Variants in SIMC1 observed in about 807,000 individuals in gnomAD.
The protein encoded by SIMC1 is SUMO-interacting motif-containing protein 1.
Under a neutral mutation model 82.3 loss-of-function variants are expected in SIMC1, and 55 were observed. The observed-to-expected ratio is 0.67, with a 90% CI of 0.54 to 0.84. The LOEUF (loss-of-function observed/expected upper bound fraction) is 0.84, where lower values mean the gene tolerates loss of function less well. Among genes scored for constraint, SIMC1 ranks in the 40% least tolerant of loss-of-function variants. SIMC1 has a pLI of 0.00. For synonymous variants in SIMC1, 353 were observed against 426.3 expected (o/e 0.83, Z 2.12); for missense variants, 915 against 1,107.2 (o/e 0.83, Z 2.46).
chr5:176,258,529 C>T (rs1359576142), intron 1 of SIMC1, among the ~76,000 whole-genome samples: 3 of 149,678 alleles, frequency 2.0e-5, no homozygotes, highest in African/African-American at 7.4e-5. Context: ...ATTTTTTAAA[C>T]GGATGGTTTT....
At chr5:176,319,339 A>T (rs542285312) in intron 5 of SIMC1, among the ~76,000 whole-genome samples, 1 of 152,250 alleles carries the variant, frequency 6.6e-6, no homozygotes, top group East Asian at 1.9e-4. Flanking sequence ...AATTTCCAAG[A>T]GCCCTTTTAT....
At chr5:176,344,183 C>T (rs529579552) in intron 9 of SIMC1, among the ~76,000 whole-genome samples, 17 of 152,280 alleles carry the variant, frequency 1.1e-4, no homozygotes, top group African/African-American at 3.6e-4. Flanking sequence ...AGCCAGGATA[C>T]GGTCAAATAT....
At chr5:176,336,593 G>A (rs67874748) in intron 7 of SIMC1, 127 bp from the exon 8 acceptor site, 247,502 of 1,285,278 alleles carry the variant, frequency 0.19, 24,606 homozygotes, top group Middle Eastern at 0.28. Flanking sequence ...GATTCTGTGG[G>A]CTTCCATGGT....
intron 1 of SIMC1, among the ~76,000 whole-genome samples, chr5:176,253,994 G>A (rs1034347823): frequency 9.2e-5 from 14 of 151,848 alleles, no homozygotes; most frequent in Non-Finnish European, 1.8e-4. Context: ...GCATATATGG[G>A]TCTCAACTTT....
intron 7 of SIMC1, among the ~76,000 whole-genome samples, chr5:176,333,042 G>A (rs1325144781): frequency 6.6e-6 from 1 of 152,090 alleles, no homozygotes; most frequent in Admixed American, 6.5e-5. Flanking sequence ...AATGGCTCAC[G>A]CCTATAATCC....
chr5:176,263,111 T>C (rs978210277), intron 1 of SIMC1, among the ~76,000 whole-genome samples: 2 of 152,166 alleles, frequency 1.3e-5, no homozygotes, highest in Non-Finnish European at 2.9e-5. Context: ...AATCTTTATA[T>C]AGAAAACTGT....
intron 4 of SIMC1, chr5:176,304,556 GCCTGCCTTGGCCTC>G (rs1459222244): frequency 3.9e-4 from 59 of 151,474 alleles, no homozygotes; most frequent in African/African-American, 1.2e-3. Flanking sequence ...CCTCCCAGCC[GCCTGCCTTGGCCTC>G]CCAAAGTGCC....
At chr5:176,329,210 G>A (rs1240587456) in intron 7 of SIMC1, among the ~76,000 whole-genome samples, 3 of 152,294 alleles carry the variant, frequency 2.0e-5, no homozygotes, top group African/African-American at 7.2e-5. Context: ...GGGGGCTCAC[G>A]CCTGTAATCC....
intron 4 of SIMC1, among the ~76,000 whole-genome samples, chr5:176,305,912 C>T (rs1485567973): frequency 2.3e-5 from 2 of 86,502 alleles, no homozygotes; most frequent in African/African-American, 9.4e-5. Context: ...AGGGGCGCTT[C>T]TGCCCGGCCG....
intron 1 of SIMC1, among the ~76,000 whole-genome samples, chr5:176,269,892 TA>T (rs1646503420): frequency 6.6e-6 from 1 of 152,072 alleles, no homozygotes; most frequent in South Asian, 2.1e-4. Flanking sequence ...ACCACTGGCA[TA>T]CACCACCACG....
At chr5:176,283,752 C>G (rs193257878) in intron 1 of SIMC1, among the ~76,000 whole-genome samples, 190 of 151,090 alleles carry the variant, frequency 1.3e-3, no homozygotes, top group Non-Finnish European at 1.4e-3. Flanking sequence ...GAGTCAAGAC[C>G]CATCAGTGTG....
At chr5:176,263,643 C>T in intron 1 of SIMC1, 4 of 1,128,692 alleles carry the variant, frequency 3.5e-6, no homozygotes, top group Non-Finnish European at 4.6e-6. Context: ...TCCACCAGGT[C>T]CTACCTCCAA....
rs1442681708 is a variant in SIMC1 at position 176,308,305 on chromosome 5, G to T, written c.1735-5386G>T. ...ACATTCGTTCTGTCATCATCTTAAC[G>T]ACGTTCTGATAAGAGGAAGGACCAA... is the stretch of plus-strand genomic sequence containing the variant. On this transcript the variant is annotated intron_variant, in intron 4 of 9. Transcript: ENST00000429602. 4.8e-6 allele frequency: 7 copies of T among 1,460,024 alleles called. No homozygotes were observed. In the South Asian group the frequency reaches 5.7e-5, roughly 12 times the overall value. 90.4% of individuals were successfully genotyped at this position (1,460,024 alleles called of 1,614,324 possible). A position where few individuals can be genotyped will look rare whatever the true frequency, so the allele number is the denominator to read the frequency against.
intron 1 of SIMC1, among the ~76,000 whole-genome samples, chr5:176,285,704 G>C (rs1007108993): frequency 1.9e-4 from 29 of 152,184 alleles, no homozygotes; most frequent in African/African-American, 7.0e-4. Flanking sequence ...AATTGTCCCT[G>C]TTTGCAGATG....
At chr5:176,278,860 T>C (rs1762844063) in intron 1 of SIMC1, among the ~76,000 whole-genome samples, 1 of 150,856 alleles carries the variant, frequency 6.6e-6, no homozygotes, top group South Asian at 2.1e-4. Context: ...GCCAGTATTT[T>C]ATTGAGGATT....
chr5:176,330,463 A>G (rs1765599896), intron 7 of SIMC1, among the ~76,000 whole-genome samples: 1 of 151,986 alleles, frequency 6.6e-6, no homozygotes, highest in South Asian at 2.1e-4. Context: ...GAACTGTGTT[A>G]GGTAAAGTAC....
At chr5:176,259,392 G>A (rs1477695701) in intron 1 of SIMC1, among the ~76,000 whole-genome samples, 32 of 152,014 alleles carry the variant, frequency 2.1e-4, no homozygotes, top group Non-Finnish European at 4.0e-4. Context: ...AGAGGTTGCA[G>A]TGAGCCAAGA....
intron 1 of SIMC1, among the ~76,000 whole-genome samples, chr5:176,271,516 G>A (rs1322655343): frequency 6.6e-6 from 1 of 152,128 alleles, no homozygotes; most frequent in African/African-American, 2.4e-5. Context: ...CTCATTGTGA[G>A]AGCTAAAAAT....
chr5:176,315,127 T>C (rs1347466725), intron 5 of SIMC1, among the ~76,000 whole-genome samples: 2 of 152,170 alleles, frequency 1.3e-5, no homozygotes, highest in African/African-American at 4.8e-5. Context: ...GAAAAGAGGT[T>C]TATTGGCTTA....
Sources: gnomAD v4.1 joint callset for allele counts (sites outside exome capture counted in the v4.1 genomes callset) on GRCh38, gnomAD v4.1.1 for gene constraint, MANE v1.5 for transcripts, NCBI Gene and HGNC (gene_info 2026-07-23, HGNC 2026-07-21) for gene names.